The following LIX1 variants were observed in gnomAD, a reference collection of about 807,000 sequenced individuals.
LIX1 encodes the protein limb and CNS expressed 1.
A neutral mutation model predicts 33.4 loss-of-function variants in LIX1; 24 were observed. The ratio of observed to expected loss-of-function variants is 0.72; its 90% CI spans 0.52 to 1.01. LIX1 has a LOEUF of 1.01. Ranked by LOEUF, LIX1 falls within the 50% of genes least tolerant of loss-of-function variation. The pLI, the probability that LIX1 is intolerant of heterozygous loss-of-function variation, is 0.00. For synonymous variants in LIX1, 124 were observed against 124.0 expected, an observed-to-expected ratio of 1.00 and a Z score of 0.00; for missense variants, 311 against 339.2, an observed-to-expected ratio of 0.92 and a Z score of 0.65.
intron 4 of LIX1, among the ~76,000 whole-genome samples, 160 bp from the exon 5 acceptor site, chr5:97,097,047 C>T (rs1023546991): frequency 6.6e-6 from 1 of 152,216 alleles, no homozygotes; most frequent in Non-Finnish European, 1.5e-5. Flanking sequence ...CCCAGGGCTT[C>T]TGGAACATTC....
chr5:97,138,566 C>T (rs1233732912), intron 1 of LIX1, among the ~76,000 whole-genome samples: 2 of 152,240 alleles, frequency 1.3e-5, no homozygotes, highest in Non-Finnish European at 2.9e-5. Flanking sequence ...GGCATGTCAG[C>T]ATGACCCAAC....
chr5:97,118,500 T>TAA (rs146423758), intron 2 of LIX1, among the ~76,000 whole-genome samples: 1 of 152,012 alleles, frequency 6.6e-6, no homozygotes, highest in South Asian at 2.1e-4. Context: ...TGCTCTATTG[T>TAA]AAAAAAATGG....
At chr5:97,140,966 A>T (rs1748273366) in intron 1 of LIX1, among the ~76,000 whole-genome samples, 1 of 152,236 alleles carries the variant, frequency 6.6e-6, no homozygotes, top group Non-Finnish European at 1.5e-5. Flanking sequence ...GTCCTGGATG[A>T]CAGAACTTAA....
At chr5:97,119,176 T>C (rs1258760697) in intron 2 of LIX1, among the ~76,000 whole-genome samples, 2 of 152,180 alleles carry the variant, frequency 1.3e-5, no homozygotes, top group African/African-American at 2.4e-5. Flanking sequence ...CTTGGCACCA[T>C]TGGTGGTGAC....
At chr5:97,142,338 G>A (rs1024905896) in intron 1 of LIX1, among the ~76,000 whole-genome samples, 157 bp downstream of exon 1, 17 of 152,176 alleles carry the variant, frequency 1.1e-4, no homozygotes, top group Non-Finnish European at 1.5e-4. Context: ...AAATGAAATC[G>A]TTCTTCTGGC....
intron 1 of LIX1, among the ~76,000 whole-genome samples, chr5:97,127,499 CTCTA>C (rs1460229748): frequency 6.6e-6 from 1 of 152,068 alleles, no homozygotes; most frequent in African/African-American, 2.4e-5. Context: ...ATCTTTCTAT[CTCTA>C]TCTATTCTTG....
At chr5:97,097,634 A>G (rs1453959917) in intron 4 of LIX1, among the ~76,000 whole-genome samples, 1 of 152,230 alleles carries the variant, frequency 6.6e-6, no homozygotes, top group Admixed American at 6.5e-5. Flanking sequence ...TCATGTGACT[A>G]TGTTATATCT....
chr5:97,112,364 T>C (rs963732975), intron 2 of LIX1, among the ~76,000 whole-genome samples: 3 of 152,232 alleles, frequency 2.0e-5, no homozygotes, highest in Admixed American at 1.3e-4. Flanking sequence ...GGACATTTTA[T>C]GGATGTGTCC....
intron 1 of LIX1, among the ~76,000 whole-genome samples, chr5:97,134,860 T>C (rs1748139614): frequency 1.3e-5 from 2 of 152,200 alleles, no homozygotes; most frequent in Admixed American, 1.3e-4. Flanking sequence ...GGGCCCCTTT[T>C]TCTTTTGTGT....
At chr5:97,104,519 A>C (rs1411106770) in intron 4 of LIX1, among the ~76,000 whole-genome samples, 1 of 152,236 alleles carries the variant, frequency 6.6e-6, no homozygotes, top group Non-Finnish European at 1.5e-5. Context: ...GATATTATCC[A>C]CCTCATACAG....
chr5:97,106,991 G>T (rs1217401333), intron 3 of LIX1, among the ~76,000 whole-genome samples: 3 of 152,064 alleles, frequency 2.0e-5, no homozygotes, highest in Admixed American at 6.6e-5. Context: ...TCAAGTTCGG[G>T]GAAAATGGAG....
At chr5:97,117,796 C>T (rs376196064) in intron 2 of LIX1, among the ~76,000 whole-genome samples, 3 of 152,224 alleles carry the variant, frequency 2.0e-5, no homozygotes, top group African/African-American at 7.2e-5. Flanking sequence ...AAATCAAAAC[C>T]CATCAAATGA....
chr5:97,140,803 C>T (rs1172612629), intron 1 of LIX1, among the ~76,000 whole-genome samples: 1 of 152,188 alleles, frequency 6.6e-6, no homozygotes, highest in Non-Finnish European at 1.5e-5. Flanking sequence ...TTAATATTCA[C>T]GTCTATTAAG....
rs780578445 is a variant in LIX1 at position 97,094,748 on chromosome 5, C to CTAG, written c.846_848dup (p.His282_Ter283insTyr). The CTAG allele has an allele frequency of 6.2e-7, 1 of 1,612,592 alleles. No individual in the cohort carries two copies. The highest frequency in any genetic ancestry group is 1.1e-5 in the South Asian group (1 of 91,040). On this transcript the variant is annotated inframe_insertion, in exon 6 of 6. Transcript: ENST00000274382. The stretch of plus-strand genomic sequence containing the variant: ...TGAGGGTACCCGGGGCTTGGCCTTG[C>CTAG]TAGTGATAGCCACACAGGGCCGTAA...
At chr5:97,120,758 A>T (rs778798663) in intron 2 of LIX1, among the ~76,000 whole-genome samples, 138 of 152,194 alleles carry the variant, frequency 9.1e-4, no homozygotes, top group Non-Finnish European at 1.6e-3. Flanking sequence ...TAGAATCTTT[A>T]TTGCCAGAGT....
chr5:97,103,732 A>G (rs531765333), intron 4 of LIX1, among the ~76,000 whole-genome samples: 54 of 152,284 alleles, frequency 3.5e-4, no homozygotes, highest in South Asian at 6.2e-4. Context: ...TTGGGAGGCC[A>G]AGGCGGGCAG....
At chr5:97,117,749 A>G (rs568455262) in intron 2 of LIX1, among the ~76,000 whole-genome samples, 3 of 152,216 alleles carry the variant, frequency 2.0e-5, no homozygotes, top group Non-Finnish European at 4.4e-5. Flanking sequence ...ATATCAGCAT[A>G]GGCAATAGCT....
At chr5:97,104,318 T>A (rs1239703320) in intron 4 of LIX1, among the ~76,000 whole-genome samples, 1 of 152,216 alleles carries the variant, frequency 6.6e-6, no homozygotes, top group Non-Finnish European at 1.5e-5. Flanking sequence ...GCATTCTGAT[T>A]CCTACCAGCA....
chr5:97,116,550 A>G (rs572456164), intron 2 of LIX1, among the ~76,000 whole-genome samples: 1 of 152,286 alleles, frequency 6.6e-6, no homozygotes, highest in East Asian at 1.9e-4. Context: ...TTTATAATAT[A>G]AACCACCTGG....
Sources: allele counts gnomAD v4.1 joint callset (sites outside exome capture counted in the v4.1 genomes callset), GRCh38; gene constraint gnomAD v4.1.1; transcripts MANE v1.5; gene names NCBI Gene and HGNC (gene_info 2026-07-23, HGNC 2026-07-21).